PIBF1: variants seen among roughly 807,000 people sequenced by gnomAD.
PIBF1 encodes progesterone immunomodulatory binding factor 1.
In PIBF1, 90 loss-of-function variants were observed where a neutral mutation model predicts 112.5. The ratio of observed to expected loss-of-function variants is 0.80; its 90% CI spans 0.67 to 0.95. The LOEUF (loss-of-function observed/expected upper bound fraction) is 0.95. Ranked by LOEUF, PIBF1 falls within the 40% of genes least tolerant of loss-of-function variation. The pLI is 0.00. For synonymous variants in PIBF1, 301 were observed against 288.6 expected (o/e 1.04, Z -0.44); for missense variants, 915 against 852.3 (o/e 1.07, Z -0.92).
chr13:72,959,186 G>A lies in PIBF1; in HGVS notation c.1834-6088G>A, dbSNP rs183818665. 6.7e-3 allele frequency among the ~76,000 whole-genome samples: 973 copies of A among 145,412 alleles called. 13 individuals carry two copies. The highest frequency in any genetic ancestry group is 0.026 in the African/African-American group (903 of 35,054). On this transcript the variant is annotated intron_variant, in intron 14 of 17. Coordinates refer to ENST00000326291, the MANE Select transcript of PIBF1 (RefSeq NM_006346.4). ...AATTTTTGTATTTTTAGTAGAGACG[G>A]GGTTTTGCCATGTTGGCCAGGCTGG...
chr13:72,789,586 C>T (rs1363053931), intron 2 of PIBF1, among the ~76,000 whole-genome samples: 1 of 152,034 alleles, frequency 6.6e-6, no homozygotes, highest in Non-Finnish European at 1.5e-5. Context: ...CCCAGCTTGT[C>T]CTTGAGTTAA....
intron 13 of PIBF1, among the ~76,000 whole-genome samples, chr13:72,924,146 A>G (rs913242691): frequency 1.3e-5 from 2 of 152,152 alleles, no homozygotes; most frequent in East Asian, 1.9e-4. Flanking sequence ...GGATCCACCT[A>G]TAGCACCAAA....
At chr13:73,007,338 C>T (rs1438192706) in intron 17 of PIBF1, among the ~76,000 whole-genome samples, 1 of 150,280 alleles carries the variant, frequency 6.7e-6, no homozygotes, top group Non-Finnish European at 1.5e-5. Context: ...ACTCTGTCAC[C>T]CAGGCTGGAG....
At chr13:72,964,417 A>G (rs1053409656) in intron 14 of PIBF1, among the ~76,000 whole-genome samples, 1 of 152,210 alleles carries the variant, frequency 6.6e-6, no homozygotes, top group Non-Finnish European at 1.5e-5. Context: ...AGTGGTAGCT[A>G]TTCAACATTA....
At chr13:72,792,326 C>T in intron 2 of PIBF1, 121 bp from the exon 3 acceptor site, 2 of 642,434 alleles carry the variant, frequency 3.1e-6, no homozygotes, top group South Asian at 4.1e-5. Flanking sequence ...AGCCCCTGTG[C>T]CTGGTCCCTC....
chr13:72,832,072 CT>C (rs754794968), intron 8 of PIBF1, among the ~76,000 whole-genome samples: 118 of 42,864 alleles, frequency 2.8e-3, no homozygotes, highest in Admixed American at 4.5e-3. Flanking sequence ...CAATTCCGGC[CT>C]TTTTTTTTTT....
chr13:72,871,807 A>G (rs113738899), intron 10 of PIBF1, among the ~76,000 whole-genome samples: 3,350 of 152,212 alleles, frequency 0.022, 137 homozygotes, highest in African/African-American at 0.076. Flanking sequence ...TGCAAGCCCA[A>G]CTAATAACAT....
intron 11 of PIBF1, among the ~76,000 whole-genome samples, chr13:72,902,710 G>T (rs1349656018): frequency 6.6e-6 from 1 of 152,124 alleles, no homozygotes; most frequent in Admixed American, 6.6e-5. Flanking sequence ...TTTTCAATTA[G>T]CATATTATAA....
At chr13:72,836,081 A>C in intron 9 of PIBF1, 1 of 449,314 alleles carries the variant, frequency 2.2e-6, no homozygotes, top group Non-Finnish European at 4.4e-6. Flanking sequence ...CCTTGGCGAA[A>C]GTGCGAGACA....
chr13:72,991,983 G>T (rs983846266), intron 16 of PIBF1, among the ~76,000 whole-genome samples: 5 of 152,162 alleles, frequency 3.3e-5, no homozygotes, highest in African/African-American at 9.6e-5. Context: ...CTCCCAAAGT[G>T]CTGGGATTAC....
chr13:72,784,242 A>T (rs112924064), intron 2 of PIBF1, among the ~76,000 whole-genome samples: 2 of 148,918 alleles, frequency 1.3e-5, no homozygotes, highest in African/African-American at 5.0e-5. Context: ...TTTGAGACCA[A>T]CCTGGCCAAC....
intron 5 of PIBF1, among the ~76,000 whole-genome samples, chr13:72,819,859 C>T (rs2036465792): frequency 6.6e-6 from 1 of 152,098 alleles, no homozygotes; most frequent in African/African-American, 2.4e-5. Context: ...TGCTTCAAAG[C>T]ACTGTCTTCC....
intron 9 of PIBF1, among the ~76,000 whole-genome samples, chr13:72,846,228 G>A (rs138391966): frequency 1.3e-5 from 2 of 152,156 alleles, no homozygotes; most frequent in Admixed American, 6.6e-5. Context: ...TACCCAGTTC[G>A]ATTAAAGACA....
intron 10 of PIBF1, among the ~76,000 whole-genome samples, chr13:72,857,296 A>G (rs990313606): frequency 6.6e-6 from 1 of 152,238 alleles, no homozygotes; most frequent in Non-Finnish European, 1.5e-5. Flanking sequence ...CTAAGAAGCC[A>G]TAGGAGAATG....
intron 10 of PIBF1, among the ~76,000 whole-genome samples, chr13:72,890,340 C>T (rs997576765): frequency 6.6e-6 from 1 of 152,064 alleles, no homozygotes; most frequent in Non-Finnish European, 1.5e-5. Flanking sequence ...CTTTGTAGCT[C>T]CCTGTGTAAT....
chr13:72,804,815 T>C (rs1351198123), intron 5 of PIBF1, among the ~76,000 whole-genome samples: 2 of 152,196 alleles, frequency 1.3e-5, no homozygotes, highest in Non-Finnish European at 2.9e-5. Context: ...ATTGAAAATA[T>C]ATCCAGTAAA....
At position 72,893,888 on chromosome 13, in the gene PIBF1, A is replaced by C. The variant is rs1330127928; in HGVS notation, c.1427A>C (p.Glu476Ala). 2 of 1,608,976 alleles carry C rather than the reference A, an allele frequency of 1.2e-6. No individual in the cohort carries two copies. The highest frequency in any genetic ancestry group is 1.7e-6 in the Non-Finnish European group (2 of 1,177,562). ...GAGCGTGTTCAACTTCTGCAAGAGG[A>C]AACAGCAAGAAATCTCACACAGTGT... is the stretch of plus-strand genomic sequence containing the variant. ...ESERVQLLQEETARNLTQCQL... is the reference protein window; with the variant it reads ...ESERVQLLQEATARNLTQCQL... The change falls in exon 11 of 18, where the codon GAA becomes GCA. Residue 476 changes from glutamate to alanine, a missense_variant. By Grantham distance (107) the Glu-to-Ala change is moderately radical. Transcript: ENST00000326291.
intron 16 of PIBF1, among the ~76,000 whole-genome samples, chr13:72,992,784 G>A (rs1294013926): frequency 6.6e-6 from 1 of 151,982 alleles, no homozygotes; most frequent in African/African-American, 2.4e-5. Flanking sequence ...CAGCCTGGGT[G>A]ATAGAGCCAG....
chr13:72,879,050 T>C (rs985351309), intron 10 of PIBF1, among the ~76,000 whole-genome samples: 10 of 152,176 alleles, frequency 6.6e-5, no homozygotes, highest in Non-Finnish European at 8.8e-5. Context: ...GTGTTTTTAA[T>C]CTATTAATTG....
Sources: gnomAD v4.1 joint callset for allele counts (sites outside exome capture counted in the v4.1 genomes callset) on GRCh38, gnomAD v4.1.1 for gene constraint, MANE v1.5 for transcripts, NCBI Gene and HGNC (gene_info 2026-07-23, HGNC 2026-07-21) for gene names.